ZNF385D: variants seen among roughly 807,000 people sequenced by gnomAD.
ZNF385D encodes zinc finger protein 385D.
A neutral mutation model predicts 35.8 loss-of-function variants in ZNF385D; 15 were observed. The ratio of observed to expected loss-of-function variants is 0.42; its 90% confidence interval spans 0.28 to 0.64. The LOEUF (loss-of-function observed/expected upper bound fraction) is 0.64. ZNF385D is among the 30% of genes least tolerant of loss of function. ZNF385D has a pLI of 0.23. For synonymous variants in ZNF385D, 212 were observed against 186.8 expected, an observed-to-expected ratio of 1.13 and a Z score of -1.10; for missense variants, 474 against 494.6, an observed-to-expected ratio of 0.96 and a Z score of 0.39.
intron 2 of ZNF385D, among the ~76,000 whole-genome samples, chr3:21,624,054 G>C (rs367730519): frequency 7.2e-5 from 11 of 152,176 alleles, no homozygotes; most frequent in Admixed American, 2.0e-4. Context: ...AGTCAAGATG[G>C]AACCAGAAAA....
chr3:21,640,477 G>C (rs11919688), intron 2 of ZNF385D, among the ~76,000 whole-genome samples: 1 of 151,788 alleles, frequency 6.6e-6, no homozygotes. Context: ...ATGGTACTAA[G>C]AGGTGAGACC....
At chr3:22,353,154 GTCTGGTTTAGC>G (rs772173692) in intron 2 of ZNF385D, among the ~76,000 whole-genome samples, 25 of 152,332 alleles carry the variant, frequency 1.6e-4, no homozygotes, top group Admixed American at 3.3e-4. Flanking sequence ...GGTGTGGGAA[GTCTGGTTTAGC>G]TTAAATCCAC....
At chr3:22,222,635 G>A (rs1698326441) in intron 2 of ZNF385D, among the ~76,000 whole-genome samples, 2 of 152,120 alleles carry the variant, frequency 1.3e-5, no homozygotes, top group South Asian at 4.1e-4. Context: ...TTACTGCTCT[G>A]AAGCTCAGTG....
Position 22,342,421 on chromosome 3 carries a change from T to A in ZNF385D, c.106+30029A>T, listed in dbSNP as rs115412725. Among the ~76,000 whole-genome samples, 1,124 of 152,262 alleles carry A rather than the reference T, an allele frequency of 7.4e-3. 21 individuals carry two copies. Among genetic ancestry groups the A allele is most frequent in the African/African-American group, 0.025 (1,022 of 41,550 alleles). ...TTACAATCAAGTTCTGCTAATTATT[T>A]ACTTGTAAATTCTATGAATCTGACC... is the stretch of plus-strand genomic sequence containing the variant. On this transcript the variant is annotated intron_variant, in intron 2 of 5. Coordinates refer to the ZNF385D transcript ENST00000494108.
At chr3:21,516,714 C>T (rs889647159) in intron 3 of ZNF385D, among the ~76,000 whole-genome samples, 6 of 152,262 alleles carry the variant, frequency 3.9e-5, no homozygotes, top group Non-Finnish European at 7.4e-5. Context: ...TTCTCTGGGT[C>T]ATCGTGCATG....
chr3:21,622,881 A>G (rs1373676607), intron 2 of ZNF385D, among the ~76,000 whole-genome samples: 1 of 152,116 alleles, frequency 6.6e-6, no homozygotes, highest in East Asian at 1.9e-4. Flanking sequence ...AAAGCAAAAT[A>G]TAATGGTAAA....
At chr3:22,109,974 GA>G (rs1442149132) in intron 3 of ZNF385D, among the ~76,000 whole-genome samples, 1 of 152,088 alleles carries the variant, frequency 6.6e-6, no homozygotes, top group African/African-American at 2.4e-5. Flanking sequence ...ACAAGTGGGC[GA>G]AGGATATGAA....
At chr3:22,333,732 G>A (rs1180044713) in intron 2 of ZNF385D, among the ~76,000 whole-genome samples, 1 of 152,098 alleles carries the variant, frequency 6.6e-6, no homozygotes, top group Non-Finnish European at 1.5e-5. Context: ...TGCACTGAAA[G>A]GAGACTATTT....
intron 3 of ZNF385D, among the ~76,000 whole-genome samples, chr3:21,820,642 T>A (rs1328017235): frequency 1.3e-5 from 2 of 151,154 alleles, no homozygotes; most frequent in Non-Finnish European, 3.0e-5. Context: ...AAAACAAAGC[T>A]TGGTTTCTTG....
At chr3:21,549,257 G>A (rs903137449) in intron 3 of ZNF385D, among the ~76,000 whole-genome samples, 2 of 152,096 alleles carry the variant, frequency 1.3e-5, no homozygotes, top group Non-Finnish European at 2.9e-5. Context: ...AGCCTGATTC[G>A]AAGAGTCCTG....
intron 3 of ZNF385D, among the ~76,000 whole-genome samples, chr3:21,554,439 C>T (rs981198850): frequency 2.0e-5 from 3 of 152,084 alleles, no homozygotes; most frequent in Non-Finnish European, 2.9e-5. Context: ...CTTCTTGTTG[C>T]ATTTGTAGAC....
intron 3 of ZNF385D, among the ~76,000 whole-genome samples, chr3:22,067,334 T>C (rs1700008375): frequency 6.6e-6 from 1 of 152,172 alleles, no homozygotes; most frequent in African/African-American, 2.4e-5. Context: ...CTGTCTTATG[T>C]TCAAGTTGAC....
intron 1 of ZNF385D, among the ~76,000 whole-genome samples, chr3:21,699,036 C>T (rs1017811647): frequency 6.6e-6 from 1 of 152,102 alleles, no homozygotes; most frequent in African/African-American, 2.4e-5. Flanking sequence ...GACACATGCA[C>T]ATGTATGTTT....
intron 3 of ZNF385D, among the ~76,000 whole-genome samples, chr3:21,813,104 A>G (rs551404721): frequency 2.6e-5 from 4 of 152,330 alleles, no homozygotes; most frequent in African/African-American, 9.6e-5. Flanking sequence ...GACCTCCAGC[A>G]TACTCCAACA....
At chr3:21,922,181 GAATC>G (rs1388521554) in intron 3 of ZNF385D, among the ~76,000 whole-genome samples, 2 of 151,962 alleles carry the variant, frequency 1.3e-5, no homozygotes, top group African/African-American at 4.8e-5. Flanking sequence ...TGAACTGGAA[GAATC>G]AATATATTTA....
chr3:22,133,576 C>T (rs1039281522), intron 3 of ZNF385D: 39 of 151,938 alleles, frequency 2.6e-4, no homozygotes, highest in African/African-American at 9.2e-4. Flanking sequence ...GTAATAAGCA[C>T]ATTACTTAAT....
chr3:22,008,377 C>T (rs373091645), intron 3 of ZNF385D, among the ~76,000 whole-genome samples: 162 of 26,188 alleles, frequency 6.2e-3, no homozygotes, highest in African/African-American at 0.043. Context: ...TTTTTTGAGG[C>T]GGAGTCTCGC....
intron 3 of ZNF385D, among the ~76,000 whole-genome samples, chr3:21,828,318 C>T (rs1694784598): frequency 6.6e-6 from 1 of 152,124 alleles, no homozygotes; most frequent in Non-Finnish European, 1.5e-5. Context: ...AATAGGTGTT[C>T]ATAGCTTTCA....
chr3:21,512,747 A>C, intron 3 of ZNF385D, among the ~76,000 whole-genome samples: 1 of 152,332 alleles, frequency 6.6e-6, no homozygotes, highest in East Asian at 1.9e-4. Flanking sequence ...TTGATTCTAC[A>C]TGGAGAATGC....
Sources: gnomAD v4.1 joint callset for allele counts (sites outside exome capture counted in the v4.1 genomes callset) on GRCh38, gnomAD v4.1.1 for gene constraint, MANE v1.5 for transcripts, NCBI Gene and HGNC (gene_info 2026-07-23, HGNC 2026-07-21) for gene names.